The following ABHD18 variants were observed in gnomAD, a reference collection of about 807,000 sequenced individuals.
ABHD18 encodes the protein cardiolipin-specific deacylase, mitochondrial.
ABHD18 carries 55 observed loss-of-function variants against 65.9 expected under a neutral mutation model. The observed-to-expected ratio is 0.84, with a 90% CI of 0.67 to 1.05. ABHD18 has a LOEUF of 1.05. Among genes scored for constraint, ABHD18 ranks in the 50% least tolerant of loss-of-function variants. ABHD18 has a pLI of 0.00. For synonymous variants in ABHD18, 181 were observed against 180.2 expected (o/e 1.00, Z -0.04); for missense variants, 533 against 558.5 (o/e 0.95, Z 0.46).
At chr4:128,006,381 A>G (rs1753601182) in intron 4 of ABHD18, among the ~76,000 whole-genome samples, 1 of 152,232 alleles carries the variant, frequency 6.6e-6, no homozygotes, top group South Asian at 2.1e-4. Flanking sequence ...ACGCAAAATG[A>G]AGCAAAGGTG....
At chr4:128,010,802 C>T (rs1754396155) in intron 6 of ABHD18, among the ~76,000 whole-genome samples, 1 of 151,112 alleles carries the variant, frequency 6.6e-6, no homozygotes, top group Non-Finnish European at 1.5e-5. Context: ...GTAATCCCAG[C>T]TACTTGGGAG....
At chr4:128,015,062 C>T (rs1317783022) in intron 7 of ABHD18, among the ~76,000 whole-genome samples, 2 of 147,038 alleles carry the variant, frequency 1.4e-5, no homozygotes, top group Non-Finnish European at 3.0e-5. Context: ...GAGTGACAAG[C>T]GCGAAACTCC....
chr4:128,009,207 A>T lies in ABHD18; in HGVS notation c.442+16A>T. The stretch of plus-strand genomic sequence containing the variant: ...AACCCTTATTATATCCTTTTGTGAT[A>T]TCTAAGAAATCTTTTGCCTTGTTTA... On this transcript the variant is annotated intron_variant, in intron 6 of 12. Coordinates refer to ENST00000645843, the MANE Select transcript of ABHD18 (RefSeq NM_001358451.3). The T allele has an allele frequency of 1.5e-6, 2 of 1,371,374 alleles. No homozygotes were observed. Among genetic ancestry groups the T allele is most frequent in the Non-Finnish European group, 1.9e-6 (2 of 1,044,168 alleles). The allele number at this position is 1,371,374 out of a possible 1,614,324, so 85.0% of individuals were successfully genotyped here.
intron 4 of ABHD18, chr4:128,001,831 G>C: frequency 3.7e-6 from 5 of 1,334,970 alleles, no homozygotes; most frequent in Non-Finnish European, 4.8e-6. Context: ...TAGATGTTGA[G>C]TTTTGTTTTG....
chr4:128,033,419 G>T (rs1029043331), intron 12 of ABHD18, among the ~76,000 whole-genome samples: 1 of 151,624 alleles, frequency 6.6e-6, no homozygotes, highest in African/African-American at 2.4e-5. Context: ...AATTCACAGG[G>T]AACAAGTACT....
intron 1 of ABHD18, among the ~76,000 whole-genome samples, chr4:127,982,611 G>C (rs1749252081): frequency 1.3e-5 from 2 of 152,106 alleles, no homozygotes; most frequent in East Asian, 3.8e-4. Context: ...TCTTAAAATA[G>C]TGGTGCCTGG....
At position 128,037,603 on chromosome 4, in the gene ABHD18, G is replaced by T. The variant is rs1335973216; in HGVS notation, c.*1790G>T. On this transcript the variant is annotated 3_prime_UTR_variant, in exon 13 of 13. Transcript: ENST00000645843. ...TATGCCTGCCTTGGCCTCCCAAAGT[G>T]CTGGGATTATAGGTTTGAGCCACCA... 6.6e-6 allele frequency: 1 copy of T among 152,076 alleles called. No homozygotes were observed. The highest frequency in any genetic ancestry group is 1.5e-5 in the Non-Finnish European group (1 of 68,016). The allele number at this position is 152,076 out of a possible 1,614,324, so 9.4% of individuals were successfully genotyped here. A position where few individuals can be genotyped will look rare whatever the true frequency, so the allele number is the denominator to read the frequency against.
At chr4:128,001,850 T>G in intron 4 of ABHD18, 1 of 1,337,434 alleles carries the variant, frequency 7.5e-7, no homozygotes, top group Admixed American at 3.4e-5. Flanking sequence ...TGTTTTGTTT[T>G]TTTTTTTAAT....
intron 4 of ABHD18, among the ~76,000 whole-genome samples, chr4:128,000,143 C>T (rs1241658605): frequency 6.6e-6 from 1 of 152,192 alleles, no homozygotes; most frequent in East Asian, 1.9e-4. Flanking sequence ...CAGGTCCCTC[C>T]CAAAACACGT....
intron 4 of ABHD18, among the ~76,000 whole-genome samples, chr4:127,991,884 GAACT>G (rs774316314): frequency 7.9e-5 from 12 of 152,158 alleles, no homozygotes; most frequent in Non-Finnish European, 1.8e-4. Flanking sequence ...TATAAAGTGT[GAACT>G]AACAGAAGAG....
chr4:127,989,535 C>T (rs1045325859), intron 3 of ABHD18, among the ~76,000 whole-genome samples, 186 bp from the exon 4 acceptor site: 6 of 152,022 alleles, frequency 3.9e-5, no homozygotes, highest in African/African-American at 1.4e-4. Context: ...ACATGTACCC[C>T]ATAATACATT....
intron 4 of ABHD18, among the ~76,000 whole-genome samples, chr4:127,998,571 C>T (rs1752155708): frequency 1.3e-5 from 2 of 149,650 alleles, no homozygotes; most frequent in African/African-American, 2.5e-5. Context: ...GACTGGATCT[C>T]ACTGTTGGCC....
At chr4:128,012,931 T>G (rs1754819967) in intron 7 of ABHD18, among the ~76,000 whole-genome samples, 1 of 151,580 alleles carries the variant, frequency 6.6e-6, no homozygotes, top group South Asian at 2.1e-4. Context: ...CCAGGCATGG[T>G]GGTATGCACC....
At chr4:127,984,053 AAAAG>A (rs1214369532) in intron 2 of ABHD18, among the ~76,000 whole-genome samples, 5 of 151,948 alleles carry the variant, frequency 3.3e-5, no homozygotes, top group East Asian at 1.9e-4. Flanking sequence ...GAAAAAAAAA[AAAAG>A]AAAGAAAATG....
chr4:127,968,919 T>A (rs965006095), intron 1 of ABHD18, among the ~76,000 whole-genome samples: 2 of 152,280 alleles, frequency 1.3e-5, no homozygotes, highest in East Asian at 3.9e-4. Flanking sequence ...CAACCCTGTC[T>A]AGAAAGACTT....
chr4:128,011,859 A>G (rs1258477370), intron 7 of ABHD18, among the ~76,000 whole-genome samples, 159 bp downstream of exon 7: 1 of 151,860 alleles, frequency 6.6e-6, no homozygotes, highest in Non-Finnish European at 1.5e-5. Context: ...ACTGACTTTA[A>G]TTTTTATTTT....
intron 1 of ABHD18, among the ~76,000 whole-genome samples, chr4:127,972,170 T>C (rs1490126482): frequency 6.6e-6 from 1 of 152,212 alleles, no homozygotes; most frequent in Non-Finnish European, 1.5e-5. Flanking sequence ...TGGAACTACC[T>C]GGCCTCTTCC....
chr4:127,977,654 A>C (rs1748205346), intron 1 of ABHD18, among the ~76,000 whole-genome samples: 1 of 152,226 alleles, frequency 6.6e-6, no homozygotes, highest in Non-Finnish European at 1.5e-5. Context: ...GAGGAGTGGC[A>C]TAGTATAGTA....
chr4:128,027,098 A>G (rs1305412074), intron 10 of ABHD18, among the ~76,000 whole-genome samples: 1 of 152,064 alleles, frequency 6.6e-6, no homozygotes, highest in Admixed American at 6.6e-5. Flanking sequence ...TACCTTTTCT[A>G]TGATTAGATA....
Sources: allele counts gnomAD v4.1 joint callset (sites outside exome capture counted in the v4.1 genomes callset), GRCh38; gene constraint gnomAD v4.1.1; transcripts MANE v1.5; gene names NCBI Gene and HGNC (gene_info 2026-07-23, HGNC 2026-07-21).